Variants in AK9 observed in about 807,000 individuals in gnomAD.
AK9 encodes adenylate kinase 9.
In AK9, 191 loss-of-function variants were observed where a neutral mutation model predicts 239.6. The ratio of observed to expected loss-of-function variants is 0.80; its 90% CI spans 0.71 to 0.90. AK9 has a LOEUF of 0.90. AK9 is among the 40% of genes least tolerant of loss of function. The pLI is 0.00. For synonymous variants in AK9, 689 were observed against 721.0 expected, an observed-to-expected ratio of 0.96 and a Z score of 0.71; for missense variants, 1,995 against 2,214.7, an observed-to-expected ratio of 0.90 and a Z score of 1.99.
chr6:109,594,627 C>T (rs538307067), intron 17 of AK9, among the ~76,000 whole-genome samples: 10 of 152,182 alleles, frequency 6.6e-5, no homozygotes, highest in African/African-American at 2.4e-4. Context: ...AAGACTACAG[C>T]AGCCAAAACA....
intron 1 of AK9, among the ~76,000 whole-genome samples, chr6:109,689,030 C>T (rs1301854257): frequency 6.6e-6 from 1 of 152,164 alleles, no homozygotes; most frequent in Non-Finnish European, 1.5e-5. Flanking sequence ...GCTTATGCTC[C>T]TCAGGGATGA....
chr6:109,675,736 G>T lies in AK9; in HGVS notation c.10C>A (p.Gln4Lys). 1 of 1,568,880 alleles carries T rather than the reference G, an allele frequency of 6.4e-7. No individual in the cohort carries two copies. The highest frequency in any genetic ancestry group is 8.7e-7 in the Non-Finnish European group (1 of 1,155,324). MTS[Q>K]EKTEEYPFAD... is the part of the protein sequence containing the mutation. ...AAAGGATACTCTTCTGTCTTCTCTTGAGAAGTCATGACACAAAATACTACA... is the reference window on the plus strand; with the variant it reads ...AAAGGATACTCTTCTGTCTTCTCTTTAGAAGTCATGACACAAAATACTACA... The change falls in exon 2 of 41, where the codon CAA becomes AAA. Residue 4 changes from glutamine (Q) to lysine (K), a missense_variant. Coordinates refer to ENST00000424296, the MANE Select transcript of AK9 (RefSeq NM_001145128.3).
intron 24 of AK9, among the ~76,000 whole-genome samples, chr6:109,559,053 A>G (rs755009318): frequency 6.6e-6 from 1 of 151,670 alleles, no homozygotes; most frequent in Non-Finnish European, 1.5e-5. Context: ...GGGGTTCGCC[A>G]TGTTGGCTAA....
chr6:109,656,213 T>C (rs1799685173), intron 8 of AK9, among the ~76,000 whole-genome samples: 1 of 152,238 alleles, frequency 6.6e-6, no homozygotes, highest in Admixed American at 6.5e-5. Flanking sequence ...CGCTTTTCGC[T>C]ACTTGTAATC....
At chr6:109,621,944 C>CA (rs1387179128) in intron 12 of AK9, among the ~76,000 whole-genome samples, 2 of 66,486 alleles carry the variant, frequency 3.0e-5, no homozygotes, top group Middle Eastern at 0.014. Context: ...AATTCCAGAG[C>CA]AAAAAAAACA....
intron 19 of AK9, among the ~76,000 whole-genome samples, chr6:109,581,607 G>C (rs1788868995): frequency 6.6e-6 from 1 of 152,186 alleles, no homozygotes; most frequent in Admixed American, 6.6e-5. Flanking sequence ...GAGAAGAAAA[G>C]TTTGAAGCTA....
chr6:109,575,883 T>C (rs1421164015), intron 20 of AK9, among the ~76,000 whole-genome samples: 1 of 152,212 alleles, frequency 6.6e-6, no homozygotes, highest in East Asian at 1.9e-4. Flanking sequence ...TCATTGTGGC[T>C]TGCCAATTAT....
intron 24 of AK9, among the ~76,000 whole-genome samples, chr6:109,562,186 C>A (rs192988386): frequency 1.3e-5 from 2 of 152,314 alleles, no homozygotes; most frequent in East Asian, 3.9e-4. Flanking sequence ...AGTTGTCCCA[C>A]AGATCACTGA....
chr6:109,619,176 C>T lies in AK9; in HGVS notation c.1315G>A (p.Glu439Lys), dbSNP rs1313430338. The T allele has an allele frequency of 6.4e-6, 10 of 1,550,466 alleles. No homozygotes were observed. Among genetic ancestry groups the T allele is most frequent in the Non-Finnish European group, 8.7e-6 (10 of 1,146,454 alleles). Residue 439 changes from glutamate (E) to lysine (K), a missense_variant, in exon 13 of 41, where the codon GAA (glutamate) becomes AAA (lysine). Physicochemically the swap from Glu to Lys is moderately conservative, Grantham distance 56. Transcript: ENST00000424296. ...GCAGTGGCCTCAGCTATGGTATTTTCTACTAATGTTTCACGGGCTTTATCA... is the reference window on the plus strand; with the variant it reads ...GCAGTGGCCTCAGCTATGGTATTTTTTACTAATGTTTCACGGGCTTTATCA... ...RFDKARETLVENTIAEATAAA... is the reference protein window; with the variant it reads ...RFDKARETLVKNTIAEATAAA...
chr6:109,547,751 A>C (rs1211471341), intron 25 of AK9, among the ~76,000 whole-genome samples: 1 of 151,996 alleles, frequency 6.6e-6, no homozygotes, highest in Non-Finnish European at 1.5e-5. Flanking sequence ...CATAGTAAAG[A>C]GACAACCTAC....
intron 10 of AK9, among the ~76,000 whole-genome samples, chr6:109,635,754 T>C (rs370956056): frequency 6.6e-6 from 1 of 152,198 alleles, no homozygotes; most frequent in Non-Finnish European, 1.5e-5. Context: ...ATTGGGTGAA[T>C]GCTCTTGCAC....
chr6:109,619,199 T>A lies in AK9; in HGVS notation c.1292A>T (p.Asp431Val), dbSNP rs1193912966. 6.5e-7 allele frequency: 1 copy of A among 1,550,268 alleles called. No homozygotes were observed. Among genetic ancestry groups the A allele is most frequent in the Non-Finnish European group, 8.7e-7 (1 of 1,146,324 alleles). The change falls in exon 13 of 41, where the codon GAT (aspartate) becomes GTT (valine). Residue 431 changes from aspartate (D) to valine (V), a missense_variant. By Grantham distance (152) the Asp-to-Val change is radical. Around this residue, in one of 5 missense-constraint regions of AK9, gnomAD observed 1,290 missense variants for 1,392.7 expected, o/e 0.93. Transcript: ENST00000424296. ...DYAQLVQPRF[D>V]KARETLVENT... The stretch of plus-strand genomic sequence containing the variant: ...TTCTACTAATGTTTCACGGGCTTTA[T>A]CAAAACGTGGCTGAACAAGTTGGGC...
intron 13 of AK9, among the ~76,000 whole-genome samples, chr6:109,615,942 T>C (rs955466510): frequency 1.3e-5 from 2 of 151,510 alleles, no homozygotes; most frequent in Non-Finnish European, 2.9e-5. Context: ...AAAAATGTTA[T>C]AAGAATAATG....
chr6:109,592,533 A>G (rs1444637536), intron 17 of AK9, among the ~76,000 whole-genome samples: 2 of 138,734 alleles, frequency 1.4e-5, no homozygotes, highest in Admixed American at 8.2e-5. Flanking sequence ...TGCAAGCTCC[A>G]CCTCCCAGGT....
chr6:109,542,741 A>G (rs951610245), intron 26 of AK9, among the ~76,000 whole-genome samples: 7 of 152,166 alleles, frequency 4.6e-5, no homozygotes, highest in Admixed American at 3.9e-4. Context: ...TTTTCTATAA[A>G]CCAATTATTT....
intron 1 of AK9, chr6:109,690,700 G>C (rs1388748711): frequency 6.6e-6 from 1 of 152,236 alleles, no homozygotes; most frequent in African/African-American, 2.4e-5. Flanking sequence ...TCACAACTAT[G>C]GAAGAGAGGG....
At chr6:109,529,194 C>T (rs1780919143) in intron 28 of AK9, 121 bp from the exon 29 acceptor site, 2 of 1,143,244 alleles carry the variant, frequency 1.7e-6, no homozygotes, top group East Asian at 5.3e-5. Context: ...GTGAACTTTG[C>T]AGGAAAGGAT....
chr6:109,557,613 G>T (rs1785163703), intron 24 of AK9, among the ~76,000 whole-genome samples: 1 of 152,198 alleles, frequency 6.6e-6, no homozygotes, highest in Admixed American at 6.5e-5. Context: ...CTGCTGGTTT[G>T]CAGAGACTGC....
At chr6:109,601,026 A>T (rs143057986) in intron 17 of AK9, among the ~76,000 whole-genome samples, 3,863 of 152,192 alleles carry the variant, frequency 0.025, 92 homozygotes, top group East Asian at 0.11. Context: ...TCAAAAAACC[A>T]GCTCCTGGAT....
Sources: allele counts gnomAD v4.1 joint callset (sites outside exome capture counted in the v4.1 genomes callset), GRCh38; gene constraint gnomAD v4.1.1; regional missense constraint gnomAD v4.1.1; transcripts MANE v1.5; gene names NCBI Gene and HGNC (gene_info 2026-07-23, HGNC 2026-07-21).